LAMB4: variants seen among roughly 807,000 people sequenced by gnomAD.
LAMB4 encodes laminin subunit beta-4.
LAMB4 carries 196 observed loss-of-function variants against 199.2 expected under a neutral mutation model. The observed-to-expected ratio is 0.98, with a 90% CI of 0.88 to 1.11. The LOEUF (loss-of-function observed/expected upper bound fraction) is 1.11. Among genes scored for constraint, LAMB4 ranks in the 50% least tolerant of loss-of-function variants. LAMB4 has a pLI of 0.00. For missense variants in LAMB4, 2,080 were observed against 2,171.2 expected, an observed-to-expected ratio of 0.96 and a Z score of 0.83; for synonymous variants, 744 against 770.6, an observed-to-expected ratio of 0.97 and a Z score of 0.57.
At chr7:108,045,455 C>T (rs979028599) in intron 28 of LAMB4, among the ~76,000 whole-genome samples, 4 of 152,244 alleles carry the variant, frequency 2.6e-5, no homozygotes, top group African/African-American at 9.6e-5. Flanking sequence ...ATTTCATCAA[C>T]ATGACATCCC....
Position 108,103,051 on chromosome 7 carries a change from C to T in LAMB4, c.1173G>A (p.Ala391=), listed in dbSNP as rs768213293. The change falls in exon 10 of 34, where the codon GCG becomes GCA. Residue 391 remains alanine, a synonymous_variant. Transcript: ENST00000388781. ...GCAGACCCGGGGACTCACGAATGCACGCGTAGGGATCTGAGATGGTCTTGA... is the reference window on the plus strand; with the variant it reads ...GCAGACCCGGGGACTCACGAATGCATGCGTAGGGATCTGAGATGGTCTTGA... ...DPLKTISDPY[A]CIPCECDPDG... 163 of 1,588,164 alleles carry T rather than the reference C, an allele frequency of 1.0e-4. No individual in the cohort carries two copies. Among genetic ancestry groups the T allele is most frequent in the Non-Finnish European group, 1.4e-4 (158 of 1,161,188 alleles).
chr7:108,031,574 T>C (rs1250501327), intron 31 of LAMB4, among the ~76,000 whole-genome samples: 4 of 152,168 alleles, frequency 2.6e-5, no homozygotes, highest in African/African-American at 4.8e-5. Flanking sequence ...ATAGCATTTT[T>C]TCTACAACCT....
At chr7:108,048,550 G>A (rs911398962) in intron 27 of LAMB4, among the ~76,000 whole-genome samples, 1 of 152,056 alleles carries the variant, frequency 6.6e-6, no homozygotes, top group Admixed American at 6.6e-5. Flanking sequence ...GGTACATGGG[G>A]GTAACCCATT....
chr7:108,012,325 T>C, the LAMB4 span, among the ~76,000 whole-genome samples: 1 of 152,198 alleles, frequency 6.6e-6, no homozygotes, highest in Admixed American at 6.5e-5. Context: ...CAGGAGGTAC[T>C]TTATGGGATA....
At position 108,057,098 on chromosome 7, in the gene LAMB4, A is replaced by T. The variant is rs111284473; in HGVS notation, c.3379+734T>A. ...GTCCAGCACATTGGCCTTGGTCCAG[A>T]GGGGTGGTGTCATGTCACTTCATCA... On this transcript the variant is annotated intron_variant, in intron 24 of 33. Coordinates refer to ENST00000388781, the MANE Select transcript of LAMB4 (RefSeq NM_007356.3). Among the ~76,000 whole-genome samples, 1,026 of 152,176 alleles carry T rather than the reference A, an allele frequency of 6.7e-3. 12 individuals are homozygous for T. The highest frequency in any genetic ancestry group is 0.023 in the African/African-American group (966 of 41,528).
At chr7:108,112,251 GA>G (rs1446540042) in intron 3 of LAMB4, among the ~76,000 whole-genome samples, 2 of 151,302 alleles carry the variant, frequency 1.3e-5, no homozygotes, top group Non-Finnish European at 2.9e-5. Context: ...CTAATATGAA[GA>G]AATAAAAAAT....
chr7:108,014,099 T>A, the LAMB4 span, among the ~76,000 whole-genome samples: 1 of 149,796 alleles, frequency 6.7e-6, no homozygotes, highest in East Asian at 2.0e-4. Context: ...GTATAGTCCT[T>A]GTTCTAATAC....
chr7:108,095,613 A>G (rs1046207342), intron 11 of LAMB4, among the ~76,000 whole-genome samples: 5 of 152,200 alleles, frequency 3.3e-5, no homozygotes, highest in African/African-American at 1.2e-4. Flanking sequence ...ATGCTGCAGT[A>G]CTGGCACAGT....
At position 108,123,146 on chromosome 7, in the gene LAMB4, G is replaced by C; in HGVS notation, c.19C>G (p.Leu7Val). The change falls in exon 2 of 34, where the codon CTT becomes GTT. Residue 7 changes from leucine (L) to valine (V), a missense_variant. Transcript: ENST00000388781. MQFQLT[L>V]FLHLGWLSYS... is the part of the protein sequence containing the mutation. The stretch of plus-strand genomic sequence containing the variant: ...AAATACTCACCAAGGTGCAAAAAAA[G>C]GGTCAGTTGAAATTGCATTCTTTTG... 6.2e-7 allele frequency: 1 copy of C among 1,610,452 alleles called. No individual in the cohort carries two copies. The highest frequency in any genetic ancestry group is 1.1e-5 in the South Asian group (1 of 90,332).
chr7:108,055,467 G>A (rs536435534), intron 25 of LAMB4, among the ~76,000 whole-genome samples, 165 bp downstream of exon 25: 9 of 152,258 alleles, frequency 5.9e-5, no homozygotes, highest in Non-Finnish European at 1.0e-4. Flanking sequence ...GATTACAAGC[G>A]TGAGCTATGG....
chr7:108,095,341 A>C lies in LAMB4; in HGVS notation c.1361-4T>G. The C allele has an allele frequency of 1.3e-6, 2 of 1,589,564 alleles. No homozygotes were observed. Among genetic ancestry groups the C allele is most frequent in the Non-Finnish European group, 1.7e-6 (2 of 1,157,892 alleles). ...CCAAGGGGGTTACAGTCGCAGGCTG[A>C]AAGCACAGCATACACAATTATTCTC... On this transcript the variant is annotated splice_region_variant and splice_polypyrimidine_tract_variant and intron_variant, in intron 11 of 33. Coordinates refer to ENST00000388781, the MANE Select transcript of LAMB4 (RefSeq NM_007356.3).
chr7:108,117,571 C>T (rs1389762708), intron 2 of LAMB4, among the ~76,000 whole-genome samples: 1 of 152,084 alleles, frequency 6.6e-6, no homozygotes. Flanking sequence ...GGAAAGGGGT[C>T]CCGACCCAGA....
chr7:108,083,371 C>T (rs1253580778), intron 14 of LAMB4, among the ~76,000 whole-genome samples: 2 of 152,210 alleles, frequency 1.3e-5, no homozygotes, highest in African/African-American at 4.8e-5. Flanking sequence ...TGCCTTGACC[C>T]AAGTTGCTAT....
intron 14 of LAMB4, among the ~76,000 whole-genome samples, chr7:108,083,873 G>T (rs1293558668): frequency 6.6e-6 from 1 of 152,196 alleles, no homozygotes; most frequent in African/African-American, 2.4e-5. Context: ...CTTGGAGGGG[G>T]ACAGAGTTCC....
At chr7:108,101,587 G>T (rs957397167) in intron 10 of LAMB4, among the ~76,000 whole-genome samples, 1 of 152,122 alleles carries the variant, frequency 6.6e-6, no homozygotes, top group Non-Finnish European at 1.5e-5. Context: ...TAACTTGTTC[G>T]TCGGCAAGTA....
Position 108,126,558 on chromosome 7 carries a change from T to TTTTTTC in LAMB4, c.-33-3362_-33-3361insGAAAAA, listed in dbSNP as rs1394168635. On this transcript the variant is annotated intron_variant, in intron 1 of 33. Transcript: ENST00000388781. ...AGGATGTGTCAGAATTTCTTTCTTTTTTTTTTTTTTTTTTTTTGAGACGGA... is the reference window on the plus strand; with the variant it reads ...AGGATGTGTCAGAATTTCTTTCTTTTTTTTTCTTTTTTTTTTTTTTTTTGAGACGGA... Among the ~76,000 whole-genome samples the TTTTTTC allele has an allele frequency of 1.3e-3, 128 of 95,178 alleles. 4 individuals carry two copies. Among genetic ancestry groups the TTTTTTC allele is most frequent in the African/African-American group, 5.0e-3 (119 of 23,902 alleles). The allele number at this position is 95,178 out of a possible 152,430, so 62.4% of individuals were successfully genotyped here. A position where few individuals can be genotyped will look rare whatever the true frequency, so the allele number is the denominator to read the frequency against.
intron 9 of LAMB4, among the ~76,000 whole-genome samples, chr7:108,103,843 G>T (rs554022097): frequency 6.6e-6 from 1 of 152,024 alleles, no homozygotes; most frequent in South Asian, 2.1e-4. Flanking sequence ...CATATTCCCC[G>T]GTCTTGTATA....
intron 3 of LAMB4, 76 bp from the exon 4 acceptor site, chr7:108,112,022 T>C (rs1174981195): frequency 2.4e-5 from 29 of 1,229,860 alleles, no homozygotes; most frequent in Non-Finnish European, 3.0e-5. Flanking sequence ...AGGCAAGCTG[T>C]ACATACTATA....
chr7:108,112,215 TG>T (rs1267665149), intron 3 of LAMB4, among the ~76,000 whole-genome samples: 1 of 152,188 alleles, frequency 6.6e-6, no homozygotes, highest in Non-Finnish European at 1.5e-5. Flanking sequence ...GCAGAGGATC[TG>T]GAAGTTATTT....
Sources: allele counts gnomAD v4.1 joint callset (sites outside exome capture counted in the v4.1 genomes callset), GRCh38; gene constraint gnomAD v4.1.1; transcripts MANE v1.5; gene names NCBI Gene and HGNC (gene_info 2026-07-23, HGNC 2026-07-21).